The following TPCN1 variants were observed in gnomAD, a reference collection of about 807,000 sequenced individuals.
TPCN1 encodes the protein two pore segment channel 1, also known as two pore channel protein 1.
Under a neutral mutation model 108.8 loss-of-function variants are expected in TPCN1, and 52 were observed. The observed-to-expected ratio is 0.48, with a 90% CI of 0.38 to 0.60. The LOEUF is 0.60. Ranked by LOEUF, TPCN1 falls within the 20% of genes least tolerant of loss-of-function variation. The pLI is 0.00. For synonymous variants in TPCN1, 446 were observed against 433.7 expected (o/e 1.03, Z -0.35); for missense variants, 806 against 1,072.8 (o/e 0.75, Z 3.47).
intron 2 of TPCN1, among the ~76,000 whole-genome samples, chr12:113,245,600 C>CAAA (rs766002477): frequency 4.6e-5 from 2 of 43,152 alleles, no homozygotes; most frequent in Non-Finnish European, 8.7e-5. Flanking sequence ...GACTCCGTCT[C>CAAA]AAAAAAAAAA....
intron 2 of TPCN1, among the ~76,000 whole-genome samples, chr12:113,246,882 G>A (rs1954416122): frequency 6.6e-6 from 1 of 152,234 alleles, no homozygotes. Flanking sequence ...GGGCTGGACT[G>A]GGGTGATGCG....
At chr12:113,237,645 C>T (rs1432915057) in intron 2 of TPCN1, among the ~76,000 whole-genome samples, 1 of 152,304 alleles carries the variant, frequency 6.6e-6, no homozygotes, top group African/African-American at 2.4e-5. Context: ...AGGCGTGAGC[C>T]ACCATGCCTG....
In TPCN1 at chr12:113,298,238, C is replaced by T. The variant is rs1302302152; in HGVS notation, c.*2162C>T. On this transcript the variant is annotated 3_prime_UTR_variant, in exon 28 of 28. Coordinates refer to ENST00000335509, the MANE Select transcript of TPCN1 (RefSeq NM_017901.6). ...ATCCCCAGGTTATGCCTGGCCCCAC[C>T]CAGCAGGGAGTTGGGGTCCCCCCAC... 3.9e-5 allele frequency: 6 copies of T among 152,336 alleles called. No homozygotes were observed. The highest frequency in any genetic ancestry group is 3.9e-4 in the Admixed American group (6 of 15,288). The allele number at this position is 152,336 out of a possible 1,614,324, so 9.4% of individuals were successfully genotyped here.
chr12:113,279,378 TATATATA>T (rs1955799465), intron 14 of TPCN1, among the ~76,000 whole-genome samples: 6 of 31,820 alleles, frequency 1.9e-4, no homozygotes, highest in Non-Finnish European at 3.8e-4. Flanking sequence ...TATATATATA[TATATATA>T]TATATATTTT....
chr12:113,225,366 T>G (rs1243266650), intron 1 of TPCN1: 1 of 361,290 alleles, frequency 2.8e-6, no homozygotes, highest in African/African-American at 2.2e-5. Context: ...GCCTATTTTT[T>G]TCTTTGAAGT....
At chr12:113,221,786 C>T (rs1347045710) in intron 1 of TPCN1, among the ~76,000 whole-genome samples, 160 bp downstream of exon 1, 2 of 152,142 alleles carry the variant, frequency 1.3e-5, no homozygotes, top group African/African-American at 4.8e-5. Context: ...CGCTTCTCTC[C>T]GTCCAGCCCG....
intron 2 of TPCN1, chr12:113,245,775 C>G (rs144813963): frequency 1.7e-5 from 6 of 353,730 alleles, no homozygotes; most frequent in Non-Finnish European, 3.4e-5. Context: ...TTTACGCAGC[C>G]GGGCTGCCCC....
intron 2 of TPCN1, among the ~76,000 whole-genome samples, chr12:113,255,484 A>G (rs969854890): frequency 1.3e-5 from 2 of 151,324 alleles, no homozygotes; most frequent in Non-Finnish European, 2.9e-5. Context: ...AAATCCCAGC[A>G]GACTTTTTTT....
intron 2 of TPCN1, among the ~76,000 whole-genome samples, chr12:113,259,659 G>A (rs775274977): frequency 3.9e-5 from 6 of 152,220 alleles, no homozygotes; most frequent in Non-Finnish European, 8.8e-5. Context: ...ATTGGCCTGG[G>A]AACAGTTTCA....
Position 113,288,555 on chromosome 12 carries a change from A to C in TPCN1, c.1707-203A>C. The stretch of plus-strand genomic sequence containing the variant: ...AGGGGTGAATCTCTGGGAAAGGGGC[A>C]TTTGTTCATAGCGTCCTGACTTGAG... On this transcript the variant is annotated intron_variant, in intron 20 of 27. Transcript: ENST00000335509. The surrounding 1 kb of genome is among the most constrained non-coding windows in gnomAD (Gnocchi z 4.8). The C allele has an allele frequency of 6.8e-7, 1 of 1,471,916 alleles. No homozygotes were observed. The highest frequency in any genetic ancestry group is 9.0e-7 in the Non-Finnish European group (1 of 1,113,254). The allele number at this position is 1,471,916 out of a possible 1,614,324, so 91.2% of individuals were successfully genotyped here. A position where few individuals can be genotyped will look rare whatever the true frequency, so the allele number is the denominator to read the frequency against.
chr12:113,288,490 C>G lies in TPCN1; in HGVS notation c.1706+256C>G, dbSNP rs1956164166. The G allele has an allele frequency of 6.7e-7, 1 of 1,503,566 alleles. No individual in the cohort carries two copies. The highest frequency in any genetic ancestry group is 8.9e-7 in the Non-Finnish European group (1 of 1,128,970). 93.1% of individuals were successfully genotyped at this position (1,503,566 alleles called of 1,614,324 possible). A position where few individuals can be genotyped will look rare whatever the true frequency, so the allele number is the denominator to read the frequency against. Reference sequence around the variant, plus strand: ...CTCGCTTACCACCTGTGTCTACATTCACAGGTAAGGGGTCACCTGTGAGTC... The same window carrying G: ...CTCGCTTACCACCTGTGTCTACATTGACAGGTAAGGGGTCACCTGTGAGTC... On this transcript the variant is annotated intron_variant, in intron 20 of 27. Coordinates refer to ENST00000335509, the MANE Select transcript of TPCN1 (RefSeq NM_017901.6). This position sits in a 1 kb window ranked among gnomAD's most constrained non-coding sequence, Gnocchi z 4.8.
intron 25 of TPCN1, 84 bp downstream of exon 25, chr12:113,292,042 G>C: frequency 3.4e-6 from 4 of 1,173,410 alleles, no homozygotes; most frequent in Non-Finnish European, 5.1e-6. Context: ...TGTCCAGCCA[G>C]CCATCAGGCT....
At chr12:113,261,629 A>C (rs1955042609) in intron 3 of TPCN1, among the ~76,000 whole-genome samples, 1 of 151,956 alleles carries the variant, frequency 6.6e-6, no homozygotes, top group African/African-American at 2.4e-5. Context: ...GGGTTTCGCC[A>C]TGTTGGCCAG....
chr12:113,240,383 G>A lies in TPCN1; in HGVS notation c.112+13419G>A, dbSNP rs78425632. On this transcript the variant is annotated intron_variant, in intron 2 of 27. Transcript: ENST00000335509. ...AACGGTTGAACATTTTCTGAGTGTC[G>A]CGCAGTCTGCAAAGGATGGGGTTGA... Among the ~76,000 whole-genome samples, 1,062 of 152,220 alleles carry A rather than the reference G, an allele frequency of 7.0e-3. 46 individuals are homozygous for A. In the East Asian group the frequency reaches 0.14, roughly 20 times the overall value.
rs1243479098 is a variant in TPCN1, at chr12:113,293,363, C to T, written c.2334+14C>T. The stretch of plus-strand genomic sequence containing the variant: ...GAGGAGATCCAGGTAGGAGCCTGGC[C>T]GACCACGCTGCGAATCCTCCCCCAA... On this transcript the variant is annotated intron_variant, in intron 27 of 27. Coordinates refer to ENST00000335509, the MANE Select transcript of TPCN1 (RefSeq NM_017901.6). The T allele has an allele frequency of 3.7e-6, 6 of 1,612,760 alleles. No homozygotes were observed. Among genetic ancestry groups the T allele is most frequent in the African/African-American group, 1.3e-5 (1 of 74,884 alleles).
At chr12:113,226,066 G>A (rs1352417793) in intron 1 of TPCN1, among the ~76,000 whole-genome samples, 1 of 149,224 alleles carries the variant, frequency 6.7e-6, no homozygotes, top group Non-Finnish European at 1.5e-5. Context: ...CTGTGTGTAT[G>A]CTTACCCAAC....
At chr12:113,287,750 C>A (rs1379196220) in intron 19 of TPCN1, among the ~76,000 whole-genome samples, 1 of 152,140 alleles carries the variant, frequency 6.6e-6, no homozygotes, top group African/African-American at 2.4e-5. Context: ...CCTGGGGCTG[C>A]TCCTGAGTGT....
chr12:113,259,661 A>C (rs1954952028), intron 2 of TPCN1, among the ~76,000 whole-genome samples: 1 of 152,188 alleles, frequency 6.6e-6, no homozygotes, highest in African/African-American at 2.4e-5. Context: ...TGGCCTGGGA[A>C]CAGTTTCAAG....
At position 113,291,950 on chromosome 12, in the gene TPCN1, A is replaced by T; in HGVS notation, c.2105A>T (p.Asp702Val). ...FRMNYSRKNQ[D>V]SEVDGGITLE... Reference sequence around the variant, plus strand: ...ATGAACTACAGCCGCAAGAACCAGGACTCGGAAGGTCTGTGCAGGGATGAT... The same window carrying T: ...ATGAACTACAGCCGCAAGAACCAGGTCTCGGAAGGTCTGTGCAGGGATGAT... The change falls in exon 25 of 28, where the codon GAC becomes GTC. Residue 702 changes from aspartate (D) to valine (V), a missense_variant. Asp to Val is a radical substitution (Grantham distance 152, BLOSUM62 -3). Transcript: ENST00000335509. 1 of 1,613,696 alleles carries T rather than the reference A, an allele frequency of 6.2e-7. No homozygotes were observed. The highest frequency in any genetic ancestry group is 8.5e-7 in the Non-Finnish European group (1 of 1,179,918).
Sources: allele counts gnomAD v4.1 joint callset (sites outside exome capture counted in the v4.1 genomes callset), GRCh38; gene constraint gnomAD v4.1.1; non-coding constraint Gnocchi (gnomAD v3.1); transcripts MANE v1.5; gene names NCBI Gene and HGNC (gene_info 2026-07-23, HGNC 2026-07-21).